LIMA1: variants seen among roughly 807,000 people sequenced by gnomAD.
LIMA1 encodes LIM domain and actin-binding protein 1.
A neutral mutation model predicts 62.6 loss-of-function variants in LIMA1; 52 were observed. The observed-to-expected ratio is 0.83, with a 90% CI of 0.67 to 1.05. The LOEUF (loss-of-function observed/expected upper bound fraction) is 1.05, where lower values mean the gene tolerates loss of function less well. Among genes scored for constraint, LIMA1 ranks in the 50% least tolerant of loss-of-function variants. LIMA1 has a pLI of 0.00. For missense variants in LIMA1, 780 were observed against 902.2 expected, an observed-to-expected ratio of 0.86 and a Z score of 1.74; for synonymous variants, 302 against 317.8, an observed-to-expected ratio of 0.95 and a Z score of 0.53.
Position 50,192,568 on chromosome 12 carries a change from G to C in LIMA1, c.1031-7C>G, listed in dbSNP as rs1940803018. 1 of 1,598,814 alleles carries C rather than the reference G, an allele frequency of 6.3e-7. No individual in the cohort carries two copies. The highest frequency in any genetic ancestry group is 8.6e-7 in the Non-Finnish European group (1 of 1,166,144). ...CTCTTAACCTGGGAGTCACCTGCTT[G>C]AGTTACAAAAGGAAGACATTTTACA... On this transcript the variant is annotated splice_region_variant and splice_polypyrimidine_tract_variant and intron_variant, in intron 8 of 10. Coordinates refer to ENST00000341247, the MANE Select transcript of LIMA1 (RefSeq NM_016357.5).
At chr12:50,221,322 T>C (rs988703015) in intron 4 of LIMA1, among the ~76,000 whole-genome samples, 3 of 152,176 alleles carry the variant, frequency 2.0e-5, no homozygotes, top group East Asian at 1.9e-4. Flanking sequence ...GGCCTCTGGA[T>C]TGTGTTATAA....
chr12:50,231,558 G>T, intron 3 of LIMA1, 107 bp downstream of exon 3: 1 of 979,356 alleles, frequency 1.0e-6, no homozygotes. Flanking sequence ...TGGCACAAAT[G>T]TCCACTCAGC....
At chr12:50,204,523 T>C in intron 6 of LIMA1, 29 bp downstream of exon 6, 1 of 1,596,604 alleles carries the variant, frequency 6.3e-7, no homozygotes, top group East Asian at 2.3e-5. Flanking sequence ...ATGGAATGAA[T>C]GAATGAATGA....
intron 8 of LIMA1, among the ~76,000 whole-genome samples, chr12:50,194,766 G>A (rs920590438): frequency 6.6e-6 from 1 of 151,974 alleles, no homozygotes; most frequent in African/African-American, 2.4e-5. Context: ...AGCTGGGTAC[G>A]GCCAGGCACG....
At chr12:50,221,800 G>C (rs1280533835) in intron 4 of LIMA1, among the ~76,000 whole-genome samples, 1 of 152,170 alleles carries the variant, frequency 6.6e-6, no homozygotes, top group African/African-American at 2.4e-5. Context: ...ATACCAATTT[G>C]AATCCCAGTG....
At position 50,177,532 on chromosome 12, in the gene LIMA1, G is replaced by C; in HGVS notation, c.1812C>G (p.Ser604Arg). 2 of 1,611,298 alleles carry C rather than the reference G, an allele frequency of 1.2e-6. No homozygotes were observed. Among genetic ancestry groups the C allele is most frequent in the Non-Finnish European group, 1.7e-6 (2 of 1,178,968 alleles). The change falls in exon 11 of 11, where the codon AGC becomes AGG. Residue 604 changes from serine (S) to arginine (R), a missense_variant. By Grantham distance (110) the Ser-to-Arg change is moderately radical (BLOSUM62 -1). Transcript: ENST00000341247. ...AASFQSTSVK[S>R]PKTVSPPIRK... Reference sequence around the variant, plus strand: ...TGATAGGTGGGGACACAGTTTTTGGGCTCTTGACAGAGGTGCTTTGAAATG... The same window carrying C: ...TGATAGGTGGGGACACAGTTTTTGGCCTCTTGACAGAGGTGCTTTGAAATG...
intron 5 of LIMA1, 150 bp from the exon 6 acceptor site, chr12:50,204,850 G>A (rs550024531): frequency 2.3e-5 from 15 of 659,382 alleles, no homozygotes; most frequent in South Asian, 6.3e-5. Flanking sequence ...CTCCCAAAGC[G>A]CTGGAATTAT....
intron 4 of LIMA1, among the ~76,000 whole-genome samples, chr12:50,210,055 G>C (rs1941226029): frequency 6.6e-6 from 1 of 152,142 alleles, no homozygotes; most frequent in Non-Finnish European, 1.5e-5. Flanking sequence ...TGCTGCACTG[G>C]AAGATAACCA....
chr12:50,251,472 T>G (rs1941929519), intron 1 of LIMA1, among the ~76,000 whole-genome samples: 1 of 151,668 alleles, frequency 6.6e-6, no homozygotes, highest in Non-Finnish European at 1.5e-5. Flanking sequence ...AATACAAAAA[T>G]TAGCCAGGTG....
At chr12:50,263,872 T>C (rs1250415205) in intron 1 of LIMA1, among the ~76,000 whole-genome samples, 2 of 127,852 alleles carry the variant, frequency 1.6e-5, no homozygotes, top group East Asian at 4.8e-4. Flanking sequence ...TATATATATA[T>C]ATATAAAGTA....
intron 1 of LIMA1, among the ~76,000 whole-genome samples, chr12:50,255,435 G>A (rs12313920): frequency 0.029 from 4,457 of 151,572 alleles, 225 homozygotes; most frequent in African/African-American, 0.1. Flanking sequence ...TGGTGTGTCT[G>A]TGGTCCCAGC....
chr12:50,229,824 T>C (rs1366623538), intron 3 of LIMA1: 1 of 152,258 alleles, frequency 6.6e-6, no homozygotes, highest in Non-Finnish European at 1.5e-5. Flanking sequence ...CTTTCTCTTC[T>C]ATTCCTCAAA....
rs1353906581 is a variant in LIMA1, at chr12:50,206,102, A to C, written c.631-34T>G. ...CGAAACCCAACGATAAGTTTTGCAG[A>C]AACAATGGGAAATCTTGACGCAAGG... On this transcript the variant is annotated intron_variant, in intron 4 of 10. Transcript: ENST00000341247. 1.9e-6 allele frequency: 3 copies of C among 1,560,254 alleles called. No individual in the cohort carries two copies. In the African/African-American group the frequency reaches 4.0e-5, roughly 21 times the overall value.
chr12:50,193,650 G>GTATATA (rs1245022184), intron 8 of LIMA1, among the ~76,000 whole-genome samples: 10 of 64,320 alleles, frequency 1.6e-4, no homozygotes, highest in African/African-American at 5.7e-4. Context: ...GTGTGTGTGT[G>GTATATA]TATATATATA....
intron 9 of LIMA1, 149 bp from the exon 10 acceptor site, chr12:50,182,186 T>A: frequency 1.3e-6 from 1 of 796,474 alleles, no homozygotes; most frequent in East Asian, 2.6e-5. Context: ...TTCTATCAGC[T>A]GACTCTTTAA....
rs758813343 is a variant in LIMA1, at chr12:50,256,215, C to CT, written c.-23-7442dup. On this transcript the variant is annotated intron_variant, in intron 1 of 10. Coordinates refer to ENST00000341247, the MANE Select transcript of LIMA1 (RefSeq NM_016357.5). ...GGCTGGAAGTTAATAGTTCTTTAAC[C>CT]TTTTTTTTTTAAACTTTTTTTTTTA... 8.1e-3 allele frequency: 1,203 copies of CT among 149,178 alleles called. 5 individuals are homozygous for CT. Among genetic ancestry groups the CT allele is most frequent in the Non-Finnish European group, 0.012 (799 of 67,030 alleles). 9.2% of individuals were successfully genotyped at this position (149,178 alleles called of 1,614,324 possible).
chr12:50,273,050 A>C (rs1942233971), intron 1 of LIMA1, among the ~76,000 whole-genome samples: 1 of 134,576 alleles, frequency 7.4e-6, no homozygotes, highest in Non-Finnish European at 1.7e-5. Context: ...ACTCTGTCTC[A>C]AAAAAAAAAA....
intron 8 of LIMA1, among the ~76,000 whole-genome samples, chr12:50,193,949 A>G (rs940243281): frequency 3.4e-5 from 5 of 148,196 alleles, no homozygotes; most frequent in Non-Finnish European, 1.5e-5. Flanking sequence ...TACAGGCATG[A>G]GCCATAGCGC....
At chr12:50,185,423 T>C (rs1158669340) in intron 9 of LIMA1, 2 of 456,050 alleles carry the variant, frequency 4.4e-6, no homozygotes, top group Non-Finnish European at 8.8e-6. Flanking sequence ...GAGCAGAAAT[T>C]AGGTACCAGG....
Sources: gnomAD v4.1 joint callset for allele counts (sites outside exome capture counted in the v4.1 genomes callset) on GRCh38, gnomAD v4.1.1 for gene constraint, MANE v1.5 for transcripts, NCBI Gene and HGNC (gene_info 2026-07-23, HGNC 2026-07-21) for gene names.